Variants in AFF2 observed in about 807,000 individuals in gnomAD.
AFF2 encodes ALF transcription elongation factor 2.
In AFF2, 14 loss-of-function variants were observed where a neutral mutation model predicts 76.9. The ratio of observed to expected loss-of-function variants is 0.18; its 90% CI spans 0.12 to 0.28. The LOEUF (loss-of-function observed/expected upper bound fraction) is 0.28. Among genes scored for constraint, AFF2 ranks in the 10% least tolerant of loss-of-function variants. AFF2 has a pLI of 1.00. For missense variants in AFF2, 868 were observed against 1,001.1 expected (o/e 0.87, Z 1.79); for synonymous variants, 398 against 366.7 (o/e 1.09, Z -0.98).
intron 3 of AFF2, among the ~76,000 whole-genome samples, chrX:148,746,653 C>T (rs782446895): frequency 2.5e-4 from 28 of 112,778 alleles, no homozygotes; most frequent in Admixed American, 5.6e-4. Flanking sequence ...CCCATTCATT[C>T]ATTCATTCAC....
intron 1 of AFF2, chrX:148,547,216 G>T (rs199729072): frequency 1.4e-5 from 1 of 71,190 alleles, no homozygotes; most frequent in African/African-American, 4.5e-5. Flanking sequence ...CACCTTTCTT[G>T]CAGTGAAGGG....
rs78737430 is a variant in AFF2, at chrX:148,805,308, C to A, written c.1042-4568C>A. The stretch of plus-strand genomic sequence containing the variant: ...TTTGTCAAGGTGGAATATGCCTAGA[C>A]TAGTGGACTATGATTGCCAGCTTTG... On this transcript the variant is annotated intron_variant, in intron 3 of 20. Transcript: ENST00000370460. Among the ~76,000 whole-genome samples, 18 of 111,568 alleles carry A rather than the reference C, an allele frequency of 1.6e-4. No individual in the cohort carries two copies. In the East Asian group the frequency reaches 5.1e-3, roughly 31 times the overall value.
chrX:148,943,625 T>A (rs2071866513), intron 9 of AFF2, among the ~76,000 whole-genome samples: 1 of 111,994 alleles, frequency 8.9e-6, no homozygotes, highest in Non-Finnish European at 1.9e-5. Context: ...TATCAAGTGC[T>A]CTGCACTTAA....
chrX:148,878,216 G>A (rs1557278099), intron 7 of AFF2, among the ~76,000 whole-genome samples: 1 of 112,053 alleles, frequency 8.9e-6, no homozygotes, highest in African/African-American at 3.2e-5. Flanking sequence ...ACATTTGATA[G>A]ACAGGCAGCC....
chrX:148,932,333 C>A (rs782184957), intron 9 of AFF2, among the ~76,000 whole-genome samples: 1 of 112,085 alleles, frequency 8.9e-6, no homozygotes, highest in Non-Finnish European at 1.9e-5. Context: ...TGCTGAGAGG[C>A]TACTGCTCCT....
chrX:148,973,659 G>A (rs2072287155), intron 16 of AFF2, 52 bp downstream of exon 16: 1 of 1,108,961 alleles, frequency 9.0e-7, no homozygotes, highest in African/African-American at 1.8e-5. Context: ...GCTAGAATTA[G>A]AAGCTATGTT....
At chrX:148,568,350 A>C (rs1164199628) in intron 1 of AFF2, among the ~76,000 whole-genome samples, 1 of 112,138 alleles carries the variant, frequency 8.9e-6, no homozygotes, top group East Asian at 2.8e-4. Flanking sequence ...AAAATCTTTA[A>C]AAAATGAAAT....
At chrX:148,984,582 T>C (rs1160660894) in intron 19 of AFF2, among the ~76,000 whole-genome samples, 1 of 111,770 alleles carries the variant, frequency 8.9e-6, no homozygotes, top group Non-Finnish European at 1.9e-5. Context: ...TGCATCAGAA[T>C]ATGTCAGACC....
intron 9 of AFF2, among the ~76,000 whole-genome samples, chrX:148,933,215 C>T (rs868982108): frequency 4.5e-5 from 5 of 111,754 alleles, no homozygotes; most frequent in Middle Eastern, 9.3e-3. Context: ...AAGAGTATAC[C>T]TGGTGTGCCT....
At chrX:148,821,211 T>C (rs954643277) in intron 4 of AFF2, among the ~76,000 whole-genome samples, 1 of 111,733 alleles carries the variant, frequency 8.9e-6, no homozygotes, top group African/African-American at 3.3e-5. Flanking sequence ...TAATATGCCC[T>C]AATTCTCAGA....
chrX:148,621,615 C>T (rs1557251275), intron 1 of AFF2, among the ~76,000 whole-genome samples: 2 of 111,915 alleles, frequency 1.8e-5, no homozygotes, highest in Non-Finnish European at 3.8e-5. Flanking sequence ...CATAAACTCT[C>T]CTGTGGTGAG....
intron 1 of AFF2, among the ~76,000 whole-genome samples, chrX:148,541,141 G>T (rs1041125983): frequency 1.8e-5 from 2 of 111,996 alleles, no homozygotes; most frequent in African/African-American, 6.5e-5. Context: ...AAACTAGAAT[G>T]AAGGAAATAA....
chrX:148,881,984 T>G (rs1267152293), intron 7 of AFF2, among the ~76,000 whole-genome samples: 1 of 111,714 alleles, frequency 9.0e-6, no homozygotes, highest in Non-Finnish European at 1.9e-5. Flanking sequence ...AACTCAGGTC[T>G]GTTTGGCTCT....
intron 4 of AFF2, among the ~76,000 whole-genome samples, chrX:148,823,860 C>T (rs1028652262): frequency 1.8e-5 from 2 of 111,734 alleles, no homozygotes; most frequent in African/African-American, 3.3e-5. Context: ...TTCAGGCATA[C>T]GCCTGGTTTG....
chrX:148,751,096 A>G (rs1270564152), intron 3 of AFF2, among the ~76,000 whole-genome samples: 2 of 112,709 alleles, frequency 1.8e-5, no homozygotes, highest in African/African-American at 6.4e-5. Context: ...TTTGCTGACT[A>G]TAATTGAAAC....
intron 3 of AFF2, among the ~76,000 whole-genome samples, chrX:148,790,891 G>A (rs2069884938): frequency 8.9e-6 from 1 of 111,829 alleles, no homozygotes; most frequent in African/African-American, 3.2e-5. Context: ...AGACCAAATT[G>A]CAAGGTCTAT....
At position 148,568,474 on chromosome X, in the gene AFF2, A is replaced by G. The variant is rs782594688; in HGVS notation, c.47+67330A>G. On this transcript the variant is annotated intron_variant, in intron 1 of 20. Transcript: ENST00000370460. The stretch of plus-strand genomic sequence containing the variant: ...CAAAGCAAATACTTTTCTAAAGCCT[A>G]ATCAGTACTACAGCTTTCAATGATT... 8.9e-5 allele frequency among the ~76,000 whole-genome samples: 10 copies of G among 112,303 alleles called. No individual in the cohort carries two copies. The South Asian group carries it at 3.7e-3, about 41-fold the overall frequency.
chrX:148,673,358 T>C (rs930464852), intron 3 of AFF2, among the ~76,000 whole-genome samples: 5 of 111,881 alleles, frequency 4.5e-5, no homozygotes, highest in African/African-American at 1.6e-4. Flanking sequence ...CCCAATACTC[T>C]AGAGAGAATA....
chrX:148,505,927 T>C (rs1488294561), intron 1 of AFF2, among the ~76,000 whole-genome samples: 1 of 108,027 alleles, frequency 9.3e-6, no homozygotes, highest in Non-Finnish European at 1.9e-5. Context: ...AAGACCAAAC[T>C]TGAAGAAACC....
Sources: allele counts gnomAD v4.1 joint callset (sites outside exome capture counted in the v4.1 genomes callset), GRCh38; gene constraint gnomAD v4.1.1; transcripts MANE v1.5; gene names NCBI Gene and HGNC (gene_info 2026-07-23, HGNC 2026-07-21).